The following ENOX1 variants were observed in gnomAD, a reference collection of about 807,000 sequenced individuals.
ENOX1 encodes the protein candidate growth-related and time keeping constitutive hydroquinone (NADH) oxidase.
ENOX1 carries 42 observed loss-of-function variants against 82.5 expected under a neutral mutation model. That is an observed-to-expected ratio of 0.51 (90% CI 0.40 to 0.66). The LOEUF is 0.66. ENOX1 is among the 30% of genes least tolerant of loss of function. The probability of loss-of-function intolerance (pLI) is 0.00; values close to 1 mark genes in which losing one functional copy is unlikely to be tolerated. For synonymous variants in ENOX1, 271 were observed against 282.2 expected, an observed-to-expected ratio of 0.96 and a Z score of 0.40; for missense variants, 608 against 811.6, an observed-to-expected ratio of 0.75 and a Z score of 3.05.
intron 9 of ENOX1, among the ~76,000 whole-genome samples, chr13:43,336,123 C>T (rs1015197846): frequency 3.3e-5 from 5 of 152,200 alleles, no homozygotes; most frequent in African/African-American, 1.2e-4. Context: ...TTTAACACTT[C>T]ATAAAATTCC....
chr13:43,448,801 T>A (rs1247704266), intron 3 of ENOX1, among the ~76,000 whole-genome samples: 2 of 152,232 alleles, frequency 1.3e-5, no homozygotes, highest in Non-Finnish European at 2.9e-5. Context: ...GAAAGCACTT[T>A]AACTCAGAGC....
chr13:43,396,761 T>C (rs1376197132), intron 5 of ENOX1, among the ~76,000 whole-genome samples: 4 of 152,236 alleles, frequency 2.6e-5, no homozygotes, highest in Non-Finnish European at 5.9e-5. Context: ...TTCCAGATAT[T>C]AACCAGATGT....
At chr13:43,285,423 T>C (rs1174068785) in intron 12 of ENOX1, among the ~76,000 whole-genome samples, 1 of 152,190 alleles carries the variant, frequency 6.6e-6, no homozygotes, top group African/African-American at 2.4e-5. Context: ...TTTCCAAGTT[T>C]TGTGCATTGA....
chr13:43,481,634 A>G (rs564726777), intron 3 of ENOX1, among the ~76,000 whole-genome samples: 1 of 152,326 alleles, frequency 6.6e-6, no homozygotes, highest in Non-Finnish European at 1.5e-5. Context: ...AGAAAAGAAC[A>G]GGTAACAAAA....
intron 5 of ENOX1, among the ~76,000 whole-genome samples, chr13:43,376,140 C>T (rs1214140192): frequency 6.6e-6 from 1 of 152,146 alleles, no homozygotes; most frequent in Admixed American, 6.5e-5. Flanking sequence ...ATAACCAAAA[C>T]AGATCTTCAT....
At chr13:43,272,849 A>T (rs1046045573) in intron 12 of ENOX1, among the ~76,000 whole-genome samples, 1 of 152,126 alleles carries the variant, frequency 6.6e-6, no homozygotes, top group African/African-American at 2.4e-5. Flanking sequence ...TGCTTATTTA[A>T]TCTTGCTTAT....
chr13:43,271,075 G>A (rs554240344), intron 12 of ENOX1, among the ~76,000 whole-genome samples: 17 of 152,286 alleles, frequency 1.1e-4, no homozygotes, highest in East Asian at 3.9e-4. Context: ...GGGTAATGCC[G>A]AGTGAATTTT....
chr13:43,281,227 G>GCAC (rs3043970), intron 12 of ENOX1, among the ~76,000 whole-genome samples: 3 of 152,142 alleles, frequency 2.0e-5, no homozygotes, highest in Admixed American at 2.0e-4. Context: ...AGCAGCAGCA[G>GCAC]AAAACCTCAA....
At chr13:43,776,448 G>A (rs181000246) in intron 1 of ENOX1, among the ~76,000 whole-genome samples, 3 of 152,186 alleles carry the variant, frequency 2.0e-5, no homozygotes, top group Admixed American at 2.0e-4. Context: ...GATTTTTTTG[G>A]AGTGGAAGAA....
chr13:43,467,482 T>C (rs1326632676), intron 3 of ENOX1, among the ~76,000 whole-genome samples: 1 of 151,898 alleles, frequency 6.6e-6, no homozygotes, highest in Non-Finnish European at 1.5e-5. Context: ...TGGCCATTTA[T>C]AGTATCTTCT....
chr13:43,618,357 T>C (rs1485326736), intron 2 of ENOX1, among the ~76,000 whole-genome samples: 1 of 152,214 alleles, frequency 6.6e-6, no homozygotes, highest in South Asian at 2.1e-4. Flanking sequence ...TGTTATCTTG[T>C]AGAATTTTTA....
intron 2 of ENOX1, among the ~76,000 whole-genome samples, chr13:43,628,187 C>T (rs1240012547): frequency 1.3e-5 from 2 of 152,130 alleles, no homozygotes; most frequent in African/African-American, 4.8e-5. Flanking sequence ...AGGTACTTTT[C>T]CAGCACTGCT....
At chr13:43,367,517 C>A (rs531292782) in intron 5 of ENOX1, among the ~76,000 whole-genome samples, 1 of 152,090 alleles carries the variant, frequency 6.6e-6, no homozygotes, top group Non-Finnish European at 1.5e-5. Context: ...ACCTGCAAGT[C>A]AAGGATCACC....
intron 16 of ENOX1, among the ~76,000 whole-genome samples, chr13:43,218,453 C>A (rs1247724927): frequency 6.6e-6 from 1 of 152,050 alleles, no homozygotes; most frequent in Non-Finnish European, 1.5e-5. Context: ...ATAGAGAGAC[C>A]CAATCTCTAC....
At chr13:43,614,074 A>G (rs566205850) in intron 2 of ENOX1, among the ~76,000 whole-genome samples, 7 of 152,308 alleles carry the variant, frequency 4.6e-5, no homozygotes, top group African/African-American at 1.7e-4. Context: ...TGCTTTCCTT[A>G]GTTTACTTTG....
At chr13:43,497,206 A>T (rs1160157472) in intron 2 of ENOX1, among the ~76,000 whole-genome samples, 1 of 152,086 alleles carries the variant, frequency 6.6e-6, no homozygotes, top group Admixed American at 6.6e-5. Context: ...TAAATTTTTG[A>T]CTTGCTGTCT....
intron 2 of ENOX1, among the ~76,000 whole-genome samples, chr13:43,496,395 T>C (rs989228401): frequency 6.6e-6 from 1 of 152,078 alleles, no homozygotes; most frequent in African/African-American, 2.4e-5. Context: ...TTCTATTTTT[T>C]TTTTTAAGAG....
chr13:43,745,692 A>C (rs1400772461), intron 1 of ENOX1, among the ~76,000 whole-genome samples: 2 of 152,168 alleles, frequency 1.3e-5, no homozygotes, highest in Non-Finnish European at 2.9e-5. Context: ...CCCTACCCCA[A>C]TCTTATCTTG....
At chr13:43,532,261 T>A (rs2078262941) in intron 2 of ENOX1, among the ~76,000 whole-genome samples, 2 of 152,262 alleles carry the variant, frequency 1.3e-5, no homozygotes, top group African/African-American at 4.8e-5. Flanking sequence ...TAATTTAAAA[T>A]CTGTAACTCT....
Sources: gnomAD v4.1 joint callset for allele counts (sites outside exome capture counted in the v4.1 genomes callset) on GRCh38, gnomAD v4.1.1 for gene constraint, MANE v1.5 for transcripts, NCBI Gene and HGNC (gene_info 2026-07-23, HGNC 2026-07-21) for gene names.